Variants in RLIM observed in about 807,000 individuals in gnomAD.
The protein encoded by RLIM is E3 ubiquitin-protein ligase RLIM.
In RLIM, 2 loss-of-function variants were observed where a neutral mutation model predicts 34.0. That is an observed-to-expected ratio of 0.06 (90% confidence interval 0.02 to 0.19). RLIM has a LOEUF of 0.19. RLIM is among the 10% of genes least tolerant of loss of function. RLIM has a pLI of 1.00. For missense variants in RLIM, 286 were observed against 479.7 expected (o/e 0.60, Z 3.77); for synonymous variants, 169 against 164.0 (o/e 1.03, Z -0.23).
At chrX:74,613,638 CTTTTTT>C (rs11416723) in intron 1 of RLIM, among the ~76,000 whole-genome samples, 2 of 87,603 alleles carry the variant, frequency 2.3e-5, no homozygotes, top group Non-Finnish European at 4.4e-5. Context: ...CCCCCCTAGG[CTTTTTT>C]TTTTTTTTTT....
chrX:74,595,784 A>C (rs751380871), intron 2 of RLIM, 25 bp downstream of exon 2: 2 of 1,125,990 alleles, frequency 1.8e-6, no homozygotes, highest in Admixed American at 2.7e-5. Flanking sequence ...TACACTTATA[A>C]ATCCTTAAAT....
chrX:74,600,435 C>G (rs1193238202), intron 1 of RLIM, among the ~76,000 whole-genome samples: 1 of 111,237 alleles, frequency 9.0e-6, no homozygotes, highest in Non-Finnish European at 1.9e-5. Context: ...AAAAAAAAGT[C>G]AGCCATAATT....
intron 1 of RLIM, among the ~76,000 whole-genome samples, chrX:74,608,427 TAAAA>T (rs763197483): frequency 1.3e-5 from 1 of 77,891 alleles, no homozygotes; most frequent in Non-Finnish European, 2.6e-5. Context: ...AAAGCATTCC[TAAAA>T]AAAAAAAAAA....
chrX:74,609,405 G>A (rs773319150), intron 1 of RLIM, among the ~76,000 whole-genome samples: 305 of 98,669 alleles, frequency 3.1e-3, no homozygotes, highest in Middle Eastern at 5.5e-3. Context: ...GGAGAATGGC[G>A]TGAACCCGGG....
intron 1 of RLIM, among the ~76,000 whole-genome samples, chrX:74,598,617 A>C (rs1216737214): frequency 9.1e-6 from 1 of 109,842 alleles, no homozygotes; most frequent in African/African-American, 3.3e-5. Context: ...CCTGTACTCA[A>C]AACACAAAAA....
rs1215929800 is a variant in RLIM at position 74,586,022 on chromosome X, T to C, written c.*5418A>G. 8.9e-6 allele frequency: 1 copy of C among 111,985 alleles called. No individual in the cohort carries two copies. Among genetic ancestry groups the C allele is most frequent in the Non-Finnish European group, 1.9e-5 (1 of 53,305 alleles). The allele number at this position is 111,985 out of a possible 1,213,427, so 9.2% of individuals were successfully genotyped here. ...AAAGCTTTCCAAGATTGCTGCCCTGTTCTTTGTATGAATCCAAGTAAACAA... is the reference window on the plus strand; with the variant it reads ...AAAGCTTTCCAAGATTGCTGCCCTGCTCTTTGTATGAATCCAAGTAAACAA... On this transcript the variant is annotated 3_prime_UTR_variant, in exon 4 of 4. Transcript: ENST00000332687.
chrX:74,604,976 T>C (rs1284742528), intron 1 of RLIM, among the ~76,000 whole-genome samples: 3 of 110,921 alleles, frequency 2.7e-5, no homozygotes, highest in African/African-American at 9.9e-5. Flanking sequence ...ACACACTTAT[T>C]TCAAAGCCTC....
chrX:74,603,291 G>A (rs1017577435), intron 1 of RLIM, among the ~76,000 whole-genome samples: 1 of 109,275 alleles, frequency 9.2e-6, no homozygotes, highest in Non-Finnish European at 1.9e-5. Flanking sequence ...CATACCTTGT[G>A]CTTTACCACC....
chrX:74,583,688 T>C lies in RLIM; in HGVS notation c.*7752A>G. 2.7e-6 allele frequency: 1 copy of C among 363,830 alleles called. No homozygotes were observed. Among genetic ancestry groups the C allele is most frequent in the East Asian group, 4.8e-5 (1 of 20,712 alleles). The allele number at this position is 363,830 out of a possible 1,213,427, so 30.0% of individuals were successfully genotyped here. ...ATTCATAGTGCTAAGGTGTATCTGG[T>C]AATGCCCAGTGCTTTACTGAATTTA... On this transcript the variant is annotated 3_prime_UTR_variant, in exon 4 of 4. Transcript: ENST00000332687.
chrX:74,610,889 CAAAAAAAT>C (rs1201290169), intron 1 of RLIM, among the ~76,000 whole-genome samples: 2 of 98,473 alleles, frequency 2.0e-5, no homozygotes, highest in East Asian at 3.1e-4. Flanking sequence ...GACTCCGTCT[CAAAAAAAT>C]AAAAAAATAA....
At chrX:74,595,718 G>T in intron 2 of RLIM, 91 bp downstream of exon 2, 1 of 625,554 alleles carries the variant, frequency 1.6e-6, no homozygotes. Flanking sequence ...TTTCATAAGG[G>T]CTAAAGAAAT....
In RLIM at chrX:74,591,938, CGAACTGGAACCA is replaced by C; in HGVS notation, c.1365_1376del (p.Gly456_Ser459del). ...TGGAACTCGAACTGGAACTGGAACT[CGAACTGGAACCA>C]GAACTACTACCACCACCAGAACCTC... On this transcript the variant is annotated inframe_deletion, in exon 4 of 4. Coordinates refer to ENST00000332687, the MANE Select transcript of RLIM (RefSeq NM_016120.4). 4 of 1,210,621 alleles carry C rather than the reference CGAACTGGAACCA, an allele frequency of 3.3e-6. No homozygotes were observed. The highest frequency in any genetic ancestry group is 3.4e-6 in the Non-Finnish European group (3 of 894,598).
At position 74,605,085 on chromosome X, in the gene RLIM, A is replaced by G. The variant is rs937748936; in HGVS notation, c.-23-9085T>C. ...CACTCCCTCCCTTATAAGGGAATTC[A>G]AAGAGTAAGCTATGGCTACAATACC... is the stretch of plus-strand genomic sequence containing the variant. On this transcript the variant is annotated intron_variant, in intron 1 of 3. Coordinates refer to ENST00000332687, the MANE Select transcript of RLIM (RefSeq NM_016120.4). Among the ~76,000 whole-genome samples the G allele has an allele frequency of 2.7e-4, 30 of 111,404 alleles. 1 individual carries two copies. The highest frequency in any genetic ancestry group is 9.5e-4 in the African/African-American group (29 of 30,611).
intron 1 of RLIM, among the ~76,000 whole-genome samples, chrX:74,601,278 A>G (rs2079660099): frequency 8.9e-6 from 1 of 111,961 alleles, no homozygotes; most frequent in South Asian, 3.7e-4. Flanking sequence ...AAAGAAAATC[A>G]AAAGCCAAGA....
Position 74,591,972 on chromosome X carries a change from C to A in RLIM, c.1343G>T (p.Gly448Val). 1 of 1,211,728 alleles carries A rather than the reference C, an allele frequency of 8.3e-7. No individual in the cohort carries two copies. Among genetic ancestry groups the A allele is most frequent in the Non-Finnish European group, 1.1e-6 (1 of 895,448 alleles). The change falls in exon 4 of 4, where the codon GGT becomes GTT. Residue 448 changes from glycine to valine, a missense_variant. By Grantham distance (109) the Gly-to-Val change is moderately radical (BLOSUM62 -3). Transcript: ENST00000332687. ...ACCAGAACTACTACCACCACCAGAACCTCCTCTTCCACTCCGTGACTCTGC... is the reference window on the plus strand; with the variant it reads ...ACCAGAACTACTACCACCACCAGAAACTCCTCTTCCACTCCGTGACTCTGC... ...ERAESRSGRG[G>V]SGGGSSSGSS...
At chrX:74,596,855 CTG>C (rs1268915826) in intron 1 of RLIM, among the ~76,000 whole-genome samples, 1 of 111,201 alleles carries the variant, frequency 9.0e-6, no homozygotes, top group African/African-American at 3.3e-5. Flanking sequence ...TTAAAAAAAA[CTG>C]AGTATACACT....
Position 74,586,646 on chromosome X carries a change from C to A in RLIM, c.*4794G>T, listed in dbSNP as rs752618586. 2 of 112,200 alleles carry A rather than the reference C, an allele frequency of 1.8e-5. No homozygotes were observed. The highest frequency in any genetic ancestry group is 9.5e-5 in the Admixed American group (1 of 10,557). The allele number at this position is 112,200 out of a possible 1,213,427, so 9.2% of individuals were successfully genotyped here. A position where few individuals can be genotyped will look rare whatever the true frequency, so the allele number is the denominator to read the frequency against. Reference sequence around the variant, plus strand: ...GATACAAACTGGGGTTACATGAGATCACTCACTTGTTAGAGAAGTATCAGA... The same window carrying A: ...GATACAAACTGGGGTTACATGAGATAACTCACTTGTTAGAGAAGTATCAGA... On this transcript the variant is annotated 3_prime_UTR_variant, in exon 4 of 4. Transcript: ENST00000332687.
At position 74,591,584 on chromosome X, in the gene RLIM, A is replaced by G; in HGVS notation, c.1731T>C (p.Tyr577=). ...LKTCSVCITE[Y]TEGNKLRKLP... is the part of the protein sequence containing the mutation. Reference sequence around the variant, plus strand: ...GTTTACGAAGTTTGTTGCCTTCTGTATATTCTGTAATGCAAACACTACAGG... The same window carrying G: ...GTTTACGAAGTTTGTTGCCTTCTGTGTATTCTGTAATGCAAACACTACAGG... Residue 577 remains tyrosine, a synonymous_variant, in exon 4 of 4, where the codon TAT becomes TAC. Coordinates refer to ENST00000332687, the MANE Select transcript of RLIM (RefSeq NM_016120.4). 8.3e-7 allele frequency: 1 copy of G among 1,211,874 alleles called. No homozygotes were observed. The highest frequency in any genetic ancestry group is 1.1e-6 in the Non-Finnish European group (1 of 895,561).
intron 1 of RLIM, among the ~76,000 whole-genome samples, chrX:74,609,487 CAAAAAAAAAAAAAAAAAA>C (rs752008137): frequency 0.058 from 1,893 of 32,882 alleles, 86 homozygotes; most frequent in African/African-American, 0.17. Flanking sequence ...GACTCCGTTT[CAAAAAAAAAAAAAAAAAA>C]AAAAAAAAAA....
Sources: allele counts gnomAD v4.1 joint callset (sites outside exome capture counted in the v4.1 genomes callset), GRCh38; gene constraint gnomAD v4.1.1; transcripts MANE v1.5; gene names NCBI Gene and HGNC (gene_info 2026-07-23, HGNC 2026-07-21).